The following GRM8 variants were observed in gnomAD, a reference collection of about 807,000 sequenced individuals.
GRM8 encodes the protein metabotropic glutamate receptor 8.
Under a neutral mutation model 87.2 loss-of-function variants are expected in GRM8, and 47 were observed. That is an observed-to-expected ratio of 0.54 (90% CI 0.43 to 0.69). The LOEUF (loss-of-function observed/expected upper bound fraction) is 0.69. GRM8 is among the 30% of genes least tolerant of loss of function. The probability of loss-of-function intolerance (pLI) is 0.00; values close to 1 mark genes in which losing one functional copy is unlikely to be tolerated. For synonymous variants in GRM8, 396 were observed against 404.5 expected (o/e 0.98, Z 0.25); for missense variants, 1,019 against 1,139.2 (o/e 0.89, Z 1.52).
At chr7:126,666,296 C>T (rs1309411413) in intron 7 of GRM8, among the ~76,000 whole-genome samples, 2 of 151,992 alleles carry the variant, frequency 1.3e-5, no homozygotes, top group African/African-American at 4.8e-5. Context: ...ATCTGATGCA[C>T]GGTAATAGCA....
At chr7:126,893,750 T>C (rs1177562828) in intron 6 of GRM8, among the ~76,000 whole-genome samples, 1 of 151,920 alleles carries the variant, frequency 6.6e-6, no homozygotes, top group African/African-American at 2.4e-5. Flanking sequence ...ATGTCATAAG[T>C]AATAAAAAAA....
chr7:127,227,286 C>T (rs1797395458), intron 2 of GRM8, among the ~76,000 whole-genome samples: 1 of 152,170 alleles, frequency 6.6e-6, no homozygotes, highest in South Asian at 2.1e-4. Context: ...TGCCAAGGTA[C>T]AGGAGACATG....
chr7:127,152,396 G>A (rs887183076), intron 2 of GRM8, among the ~76,000 whole-genome samples: 12 of 152,120 alleles, frequency 7.9e-5, no homozygotes, highest in African/African-American at 2.9e-4. Flanking sequence ...ACAGGGCAGA[G>A]AAGGTGAAGG....
chr7:126,902,592 C>A lies in GRM8; in HGVS notation c.1106G>T (p.Cys369Phe), dbSNP rs759689900. Residue 369 changes from cysteine to phenylalanine, a missense_variant, in exon 6 of 11, where the codon TGC becomes TTC. Transcript: ENST00000339582. ...CCTTTTCCCATGTGATCCTAACTTGCAGCCAAAATTCTCCTCCCAGAATTC... is the reference window on the plus strand; with the variant it reads ...CCTTTTCCCATGTGATCCTAACTTGAAGCCAAAATTCTCCTCCCAGAATTC... ...FAEFWEENFG[C>F]KLGSHGKRNS... 1 of 1,609,992 alleles carries A rather than the reference C, an allele frequency of 6.2e-7. No individual in the cohort carries two copies. Among genetic ancestry groups the A allele is most frequent in the Non-Finnish European group, 8.5e-7 (1 of 1,177,822 alleles).
At chr7:126,874,528 C>T (rs2130928636) in intron 6 of GRM8, among the ~76,000 whole-genome samples, 1 of 152,166 alleles carries the variant, frequency 6.6e-6, no homozygotes, top group African/African-American at 2.4e-5. Context: ...TACCATGACT[C>T]AGATGCCATA....
intron 9 of GRM8, among the ~76,000 whole-genome samples, chr7:126,514,016 T>C (rs185264674): frequency 1.4e-3 from 209 of 152,280 alleles, no homozygotes; most frequent in Non-Finnish European, 2.4e-3. Context: ...GCCTCATTTG[T>C]GCAATCATGC....
At chr7:126,586,212 C>T (rs1179241137) in intron 8 of GRM8, among the ~76,000 whole-genome samples, 3 of 152,146 alleles carry the variant, frequency 2.0e-5, no homozygotes, top group African/African-American at 7.2e-5. Context: ...ACATTCCATG[C>T]TCATGGATAG....
In GRM8 at chr7:126,930,291, T is replaced by C. The variant is rs146105698; in HGVS notation, c.728-25608A>G. Among the ~76,000 whole-genome samples the C allele has an allele frequency of 3.3e-5, 5 of 152,354 alleles. 1 individual carries two copies. In the Middle Eastern group the frequency reaches 0.01, roughly 311 times the overall value. ...ATTTTAATGGCAATAGTAGTAGTAC[T>C]GACCTCATAAGAGCTGACATGAGCT... On this transcript the variant is annotated intron_variant, in intron 3 of 10. Transcript: ENST00000339582.
intron 3 of GRM8, among the ~76,000 whole-genome samples, chr7:127,094,374 A>T (rs998111400): frequency 1.3e-5 from 2 of 152,234 alleles, no homozygotes; most frequent in Non-Finnish European, 2.9e-5. Flanking sequence ...CTAATCCCTC[A>T]GGAGAAAATG....
chr7:126,706,277 TC>T (rs1269710437), intron 7 of GRM8, among the ~76,000 whole-genome samples: 2 of 152,132 alleles, frequency 1.3e-5, no homozygotes, highest in African/African-American at 4.8e-5. Flanking sequence ...AAAGAATGGC[TC>T]ACATTATTAT....
chr7:126,886,501 A>T lies in GRM8; in HGVS notation c.1156+16041T>A, dbSNP rs1800513384. 3.3e-5 allele frequency among the ~76,000 whole-genome samples: 5 copies of T among 152,262 alleles called. No individual in the cohort carries two copies. The South Asian group carries it at 1.0e-3, about 32-fold the overall frequency. ...TGGCTGCAGTAGTGGGATTCCCATC[A>T]GTGATGTCAACAGTGATGCCAAGAA... On this transcript the variant is annotated intron_variant, in intron 6 of 10. Coordinates refer to ENST00000339582, the MANE Select transcript of GRM8 (RefSeq NM_000845.3).
chr7:126,936,191 G>A (rs1013497848), intron 3 of GRM8, among the ~76,000 whole-genome samples: 4 of 152,192 alleles, frequency 2.6e-5, no homozygotes, highest in East Asian at 1.9e-4. Context: ...GAAAATGATC[G>A]ATATTTGAAC....
chr7:126,514,754 A>G (rs925989514), intron 9 of GRM8, among the ~76,000 whole-genome samples: 2 of 152,120 alleles, frequency 1.3e-5, no homozygotes, highest in African/African-American at 4.8e-5. Context: ...ATAAAAATGT[A>G]TATCTCTAGG....
At chr7:127,210,570 T>C (rs144718653) in intron 2 of GRM8, among the ~76,000 whole-genome samples, 1 of 152,330 alleles carries the variant, frequency 6.6e-6, no homozygotes, top group East Asian at 1.9e-4. Flanking sequence ...ATCTCTAAGA[T>C]GTCTTCCAAT....
chr7:127,060,449 C>A (rs988197075), intron 3 of GRM8, among the ~76,000 whole-genome samples: 11 of 152,160 alleles, frequency 7.2e-5, no homozygotes, highest in Admixed American at 7.2e-4. Flanking sequence ...TTTCAAATAA[C>A]AATCCTTTTT....
intron 3 of GRM8, among the ~76,000 whole-genome samples, chr7:127,072,673 C>T (rs1237784756): frequency 1.3e-5 from 2 of 149,212 alleles, no homozygotes; most frequent in Non-Finnish European, 3.0e-5. Context: ...ACACACAAAT[C>T]GGGGCACTTA....
intron 6 of GRM8, among the ~76,000 whole-genome samples, chr7:126,821,614 C>T (rs572350285): frequency 2.4e-4 from 37 of 152,220 alleles, no homozygotes; most frequent in South Asian, 1.2e-3. Flanking sequence ...CCAGCCATCC[C>T]CCATCACTCT....
chr7:126,518,189 C>T (rs888820811), intron 9 of GRM8, among the ~76,000 whole-genome samples: 9 of 151,928 alleles, frequency 5.9e-5, no homozygotes, highest in African/African-American at 2.2e-4. Context: ...ATAAGGAACT[C>T]GCTAATGTGA....
chr7:126,686,286 C>T (rs1808179271), intron 7 of GRM8, among the ~76,000 whole-genome samples: 1 of 152,128 alleles, frequency 6.6e-6, no homozygotes, highest in Admixed American at 6.5e-5. Flanking sequence ...ATATTTCATT[C>T]TTCCTGGACT....
Sources: allele counts gnomAD v4.1 joint callset (sites outside exome capture counted in the v4.1 genomes callset), GRCh38; gene constraint gnomAD v4.1.1; transcripts MANE v1.5; gene names NCBI Gene and HGNC (gene_info 2026-07-23, HGNC 2026-07-21).